TLK2: variants seen among roughly 807,000 people sequenced by gnomAD.
TLK2 encodes tousled like kinase 2, also known as serine/threonine-protein kinase tousled-like 2.
TLK2 carries 6 observed loss-of-function variants against 117.3 expected under a neutral mutation model. The ratio of observed to expected loss-of-function variants is 0.05; its 90% confidence interval spans 0.03 to 0.10. TLK2 has a LOEUF of 0.10. Among genes scored for constraint, TLK2 ranks in the 10% least tolerant of loss-of-function variants. The pLI is 1.00. For missense variants in TLK2, 299 were observed against 901.2 expected, an observed-to-expected ratio of 0.33 and a Z score of 8.56; for synonymous variants, 257 against 316.7, an observed-to-expected ratio of 0.81 and a Z score of 2.00.
chr17:62,568,550 TA>T (rs1310774377), intron 11 of TLK2, among the ~76,000 whole-genome samples: 1 of 151,900 alleles, frequency 6.6e-6, no homozygotes, highest in Non-Finnish European at 1.5e-5. Context: ...CTAGTCCAGG[TA>T]TTTATTCTGA....
At chr17:62,521,233 C>T (rs4423481) in intron 3 of TLK2, among the ~76,000 whole-genome samples, 54,232 of 151,934 alleles carry the variant, frequency 0.36, 9,817 homozygotes, top group Admixed American at 0.4. Flanking sequence ...CCCCTTTGAG[C>T]TGTGTGCTCT....
chr17:62,477,426 T>G (rs1442016021), upstream of TLK2: 1 of 152,214 alleles, frequency 6.6e-6, no homozygotes. Flanking sequence ...AGTGCTTGCA[T>G]GTGCCCCAAG....
At chr17:62,599,197 T>C (rs2082697249) in intron 17 of TLK2, among the ~76,000 whole-genome samples, 1 of 152,262 alleles carries the variant, frequency 6.6e-6, no homozygotes, top group African/African-American at 2.4e-5. Context: ...TCCACCCATC[T>C]CTGCCTCCCA....
At chr17:62,483,249 T>G in intron 2 of TLK2, among the ~76,000 whole-genome samples, 1 of 150,806 alleles carries the variant, frequency 6.6e-6, no homozygotes, top group Non-Finnish European at 1.5e-5. Flanking sequence ...ATAGTTAAGC[T>G]CACTGATCTT....
rs183664662 is a variant in TLK2 at position 62,547,239 on chromosome 17, T to C, written c.532-5063T>C. Among the ~76,000 whole-genome samples, 528 of 152,296 alleles carry C rather than the reference T, an allele frequency of 3.5e-3. 6 individuals are homozygous for C. The highest frequency in any genetic ancestry group is 0.012 in the African/African-American group (511 of 41,584). ...AACTCTTATGATTAGGTATTGTTTTTTCGTCTTGGATTTTTCCTTTTGTGC... is the reference window on the plus strand; with the variant it reads ...AACTCTTATGATTAGGTATTGTTTTCTCGTCTTGGATTTTTCCTTTTGTGC... On this transcript the variant is annotated intron_variant, in intron 7 of 21. Transcript: ENST00000346027.
At chr17:62,602,310 C>G (rs1041960954) in intron 19 of TLK2, 130 bp downstream of exon 19, 1 of 834,054 alleles carries the variant, frequency 1.2e-6, no homozygotes, top group Non-Finnish European at 1.8e-6. Context: ...CAGACTTTCT[C>G]CCCAAATCAT....
At chr17:62,582,345 T>A (rs2081284125) in intron 15 of TLK2, among the ~76,000 whole-genome samples, 1 of 152,172 alleles carries the variant, frequency 6.6e-6, no homozygotes, top group Admixed American at 6.5e-5. Flanking sequence ...TCTTCCAAAG[T>A]GCTAGGATTA....
chr17:62,591,018 G>A (rs1012243538), intron 16 of TLK2, among the ~76,000 whole-genome samples: 1 of 152,154 alleles, frequency 6.6e-6, no homozygotes, highest in Admixed American at 6.5e-5. Flanking sequence ...TTGGGAGGCC[G>A]AGGCCGGTGG....
chr17:62,502,451 A>G (rs908832826), intron 2 of TLK2, among the ~76,000 whole-genome samples: 1 of 152,232 alleles, frequency 6.6e-6, no homozygotes, highest in African/African-American at 2.4e-5. Context: ...TTATGGTAAA[A>G]GAGTGAATGC....
At chr17:62,488,952 A>G (rs1238836490) in intron 2 of TLK2, among the ~76,000 whole-genome samples, 1 of 150,114 alleles carries the variant, frequency 6.7e-6, no homozygotes, top group Non-Finnish European at 1.5e-5. Flanking sequence ...CAGCCTCCTG[A>G]GTAGCTGGGC....
intron 14 of TLK2, 66 bp downstream of exon 14, chr17:62,578,640 C>A: frequency 8.1e-7 from 1 of 1,235,642 alleles, no homozygotes; most frequent in South Asian, 1.2e-5. Context: ...ATTGAATGGT[C>A]TAGAATAATG....
intron 16 of TLK2, among the ~76,000 whole-genome samples, chr17:62,587,150 A>G (rs1291262893): frequency 6.6e-6 from 1 of 152,146 alleles, no homozygotes; most frequent in Non-Finnish European, 1.5e-5. Context: ...TACAATATGC[A>G]CAGCTGTGAA....
intron 15 of TLK2, among the ~76,000 whole-genome samples, chr17:62,584,107 GTTTTTTT>G (rs572000997): frequency 3.8e-5 from 3 of 78,528 alleles, no homozygotes; most frequent in African/African-American, 5.1e-5. Flanking sequence ...TTCTTTTGTG[GTTTTTTT>G]TTTTTTTTTT....
chr17:62,510,427 ATCT>A (rs1461523923), intron 2 of TLK2, among the ~76,000 whole-genome samples: 1 of 152,192 alleles, frequency 6.6e-6, no homozygotes, highest in Non-Finnish European at 1.5e-5. Context: ...GAGTTTACTG[ATCT>A]TCTTATGCTT....
chr17:62,553,983 A>T (rs1292781544), intron 9 of TLK2, among the ~76,000 whole-genome samples: 3 of 152,224 alleles, frequency 2.0e-5, no homozygotes. Flanking sequence ...GATTGAATTT[A>T]TATTGGAGAA....
intron 12 of TLK2, 53 bp downstream of exon 12, chr17:62,573,420 C>G: frequency 6.3e-7 from 1 of 1,589,164 alleles, no homozygotes; most frequent in South Asian, 1.1e-5. Context: ...CCCCCAAATA[C>G]AAATGTTGAT....
chr17:62,606,680 T>A (rs2083326281), intron 20 of TLK2, among the ~76,000 whole-genome samples: 4 of 152,214 alleles, frequency 2.6e-5, no homozygotes, highest in Admixed American at 2.6e-4. Context: ...TGCTTTATAT[T>A]TCTATACTGG....
At chr17:62,585,254 G>A (rs2081525952) in intron 15 of TLK2, among the ~76,000 whole-genome samples, 1 of 152,042 alleles carries the variant, frequency 6.6e-6, no homozygotes, top group Non-Finnish European at 1.5e-5. Context: ...ATTAGAAACT[G>A]CTTTTCGGCC....
chr17:62,598,485 G>A (rs892796990), intron 17 of TLK2, among the ~76,000 whole-genome samples: 3 of 152,060 alleles, frequency 2.0e-5, no homozygotes, highest in Admixed American at 2.0e-4. Context: ...GGTATTAAAA[G>A]TGAGGCTTTA....
Sources: allele counts gnomAD v4.1 joint callset (sites outside exome capture counted in the v4.1 genomes callset), GRCh38; gene constraint gnomAD v4.1.1; transcripts MANE v1.5; gene names NCBI Gene and HGNC (gene_info 2026-07-23, HGNC 2026-07-21).